Variants in SERAC1 observed in about 807,000 individuals in gnomAD.
The protein encoded by SERAC1 is serine active site containing 1.
In SERAC1, 36 loss-of-function variants were observed where a neutral mutation model predicts 85.7. The ratio of observed to expected loss-of-function variants is 0.42; its 90% CI spans 0.32 to 0.55. SERAC1 has a LOEUF of 0.55. Ranked by LOEUF, SERAC1 falls within the 20% of genes least tolerant of loss-of-function variation. The pLI is 0.11. For missense variants in SERAC1, 629 were observed against 796.2 expected, an observed-to-expected ratio of 0.79 and a Z score of 2.53; for synonymous variants, 242 against 265.3, an observed-to-expected ratio of 0.91 and a Z score of 0.85.
intron 5 of SERAC1, among the ~76,000 whole-genome samples, 169 bp from the exon 6 acceptor site, chr6:158,147,082 T>C (rs1785079238): frequency 6.6e-6 from 1 of 152,196 alleles, no homozygotes; most frequent in East Asian, 1.9e-4. Context: ...TGTCATATTA[T>C]CTTTTACAGT....
chr6:158,152,287 G>A (rs1224263408), intron 3 of SERAC1, among the ~76,000 whole-genome samples: 2 of 152,138 alleles, frequency 1.3e-5, no homozygotes, highest in South Asian at 2.1e-4. Flanking sequence ...AGGCCGAGGC[G>A]GGCGGATCAC....
rs187486143 is a variant in SERAC1 at position 158,132,726 on chromosome 6, T to A, written c.739-2240A>T. Among the ~76,000 whole-genome samples, 625 of 152,294 alleles carry A rather than the reference T, an allele frequency of 4.1e-3. 20 individuals are homozygous for A. The highest frequency in any genetic ancestry group is 0.037 in the Admixed American group (559 of 15,288). ...TTGGCGAAGCTTGTTACCTATGAATTGGCAGATTTTGTGGCAGTAAGAAGT... is the reference window on the plus strand; with the variant it reads ...TTGGCGAAGCTTGTTACCTATGAATAGGCAGATTTTGTGGCAGTAAGAAGT... On this transcript the variant is annotated intron_variant, in intron 8 of 16. Transcript: ENST00000647468.
At position 158,159,934 on chromosome 6, in the gene SERAC1, T is replaced by C. The variant is rs577907201; in HGVS notation, c.-1-1570A>G. On this transcript the variant is annotated intron_variant, in intron 1 of 16. Transcript: ENST00000647468. ...GATTATCTTATTCTGCTATGTGACATAGATTATTTAAAATTGTGAAGACTT... is the reference window on the plus strand; with the variant it reads ...GATTATCTTATTCTGCTATGTGACACAGATTATTTAAAATTGTGAAGACTT... Among the ~76,000 whole-genome samples, 6 of 152,376 alleles carry C rather than the reference T, an allele frequency of 3.9e-5. No homozygotes were observed. In the East Asian group the frequency reaches 5.8e-4, roughly 15 times the overall value.
intron 9 of SERAC1, among the ~76,000 whole-genome samples, chr6:158,129,194 A>C (rs1051541826): frequency 1.3e-5 from 2 of 152,248 alleles, no homozygotes. Flanking sequence ...AAAACAACTC[A>C]GGAGACACCA....
intron 10 of SERAC1, among the ~76,000 whole-genome samples, chr6:158,121,887 C>T (rs1398733893): frequency 6.6e-6 from 1 of 152,170 alleles, no homozygotes; most frequent in Non-Finnish European, 1.5e-5. Context: ...AGATACTCCA[C>T]CTTTGAAAAA....
chr6:158,112,329 C>G (rs1266908298), intron 16 of SERAC1: 3 of 152,312 alleles, frequency 2.0e-5, no homozygotes, highest in African/African-American at 7.2e-5. Context: ...GGGAGGAACG[C>G]TTGAGCCCAG....
At chr6:158,151,414 C>G (rs1785201405) in intron 3 of SERAC1, among the ~76,000 whole-genome samples, 1 of 145,930 alleles carries the variant, frequency 6.9e-6, no homozygotes, top group African/African-American at 2.5e-5. Flanking sequence ...AGAGCAAGAC[C>G]TCGTCTCAAA....
intron 1 of SERAC1, 161 bp from the exon 2 acceptor site, chr6:158,158,525 A>G: frequency 3.8e-6 from 2 of 524,116 alleles, no homozygotes; most frequent in South Asian, 5.6e-5. Flanking sequence ...ATTCTCCATT[A>G]AAAACTTAAA....
In SERAC1 at chr6:158,114,399, C is replaced by CCAAA. The variant is rs199942220; in HGVS notation, c.1684+389_1684+390insTTTG. 1,401 of 790,470 alleles carry CCAAA rather than the reference C, an allele frequency of 1.8e-3. 17 individuals are homozygous for CCAAA. The African/African-American group carries it at 0.024, about 14-fold the overall frequency. The allele number at this position is 790,470 out of a possible 1,614,324, so 49.0% of individuals were successfully genotyped here. On this transcript the variant is annotated intron_variant, in intron 15 of 16. Coordinates refer to ENST00000647468, the MANE Select transcript of SERAC1 (RefSeq NM_032861.4). ...TCCAGAGAGAAAACTGCTTATCAAA[C>CCAAA]CAGAGTACTTTAAAATTAATACTAA...
intron 14 of SERAC1, 80 bp from the exon 15 acceptor site, chr6:158,115,051 CAAGA>C: frequency 7.3e-7 from 1 of 1,377,910 alleles, no homozygotes. Flanking sequence ...AAAGGCCAAA[CAAGA>C]AATACATAAA....
At chr6:158,134,019 A>G (rs1057139259) in intron 8 of SERAC1, among the ~76,000 whole-genome samples, 4 of 152,214 alleles carry the variant, frequency 2.6e-5, no homozygotes, top group Non-Finnish European at 5.9e-5. Flanking sequence ...CAGCTATCTG[A>G]AAATACGGTT....
At chr6:158,149,440 C>T (rs1466138079) in intron 4 of SERAC1, among the ~76,000 whole-genome samples, 1 of 152,166 alleles carries the variant, frequency 6.6e-6, no homozygotes, top group African/African-American at 2.4e-5. Flanking sequence ...ACACAGAGCT[C>T]TCAATTCCAA....
chr6:158,134,881 C>A (rs576091692), intron 8 of SERAC1, among the ~76,000 whole-genome samples: 1 of 152,142 alleles, frequency 6.6e-6, no homozygotes, highest in Non-Finnish European at 1.5e-5. Context: ...TATTAACATT[C>A]AAGCAGAGAA....
intron 3 of SERAC1, among the ~76,000 whole-genome samples, chr6:158,151,452 C>T (rs1785203108): frequency 6.6e-6 from 1 of 151,624 alleles, no homozygotes; most frequent in Admixed American, 6.6e-5. Flanking sequence ...GGTGGAGTCT[C>T]ACTCTGTCAC....
At chr6:158,128,946 C>T (rs1209988635) in intron 9 of SERAC1, among the ~76,000 whole-genome samples, 1 of 152,212 alleles carries the variant, frequency 6.6e-6, no homozygotes, top group African/African-American at 2.4e-5. Context: ...CTGGGCACAG[C>T]TTTGCCTCTT....
chr6:158,143,704 A>G (rs1784985824), intron 7 of SERAC1, among the ~76,000 whole-genome samples: 1 of 151,740 alleles, frequency 6.6e-6, no homozygotes. Flanking sequence ...TCATTTTTCT[A>G]TTTTTCAAAA....
chr6:158,121,741 A>G (rs970565431), intron 10 of SERAC1, among the ~76,000 whole-genome samples: 3 of 152,202 alleles, frequency 2.0e-5, no homozygotes, highest in African/African-American at 4.8e-5. Context: ...TTTAAAAATT[A>G]TATCTATAGA....
intron 3 of SERAC1, among the ~76,000 whole-genome samples, chr6:158,154,471 G>A (rs1403302312): frequency 6.6e-6 from 1 of 152,032 alleles, no homozygotes; most frequent in Admixed American, 6.6e-5. Flanking sequence ...TGGATAAAAT[G>A]CCAAATATAT....
chr6:158,150,628 T>C, intron 3 of SERAC1, 39 bp from the exon 4 acceptor site: 1 of 1,370,760 alleles, frequency 7.3e-7, no homozygotes, highest in South Asian at 1.2e-5. Flanking sequence ...AAATAGACAA[T>C]CAAAATGTAA....
Sources: allele counts gnomAD v4.1 joint callset (sites outside exome capture counted in the v4.1 genomes callset), GRCh38; gene constraint gnomAD v4.1.1; transcripts MANE v1.5; gene names NCBI Gene and HGNC (gene_info 2026-07-23, HGNC 2026-07-21).